The following IGF2BP3 variants were observed in gnomAD, a reference collection of about 807,000 sequenced individuals.
IGF2BP3 encodes insulin-like growth factor 2 mRNA-binding protein 3.
IGF2BP3 carries 9 observed loss-of-function variants against 73.8 expected under a neutral mutation model. The ratio of observed to expected loss-of-function variants is 0.12; its 90% CI spans 0.07 to 0.21. The LOEUF (loss-of-function observed/expected upper bound fraction) is 0.21, where lower values mean the gene tolerates loss of function less well. Among genes scored for constraint, IGF2BP3 ranks in the 10% least tolerant of loss-of-function variants. The probability of loss-of-function intolerance (pLI) is 1.00; values close to 1 mark genes in which losing one functional copy is unlikely to be tolerated. For synonymous variants in IGF2BP3, 258 were observed against 256.7 expected (o/e 1.01, Z -0.05); for missense variants, 542 against 714.0 (o/e 0.76, Z 2.75).
At chr7:23,350,399 G>A (rs961431530) in intron 6 of IGF2BP3, among the ~76,000 whole-genome samples, 2 of 152,174 alleles carry the variant, frequency 1.3e-5, no homozygotes, top group Non-Finnish European at 2.9e-5. Context: ...CTTCTTCCCA[G>A]CACACTCACA....
At chr7:23,397,482 A>G (rs1786513888) in intron 3 of IGF2BP3, among the ~76,000 whole-genome samples, 1 of 152,142 alleles carries the variant, frequency 6.6e-6, no homozygotes, top group Non-Finnish European at 1.5e-5. Context: ...AAGGTCTCAA[A>G]CTGGCCTTAT....
chr7:23,368,928 A>C (rs1438552407), intron 3 of IGF2BP3, among the ~76,000 whole-genome samples: 1 of 152,054 alleles, frequency 6.6e-6, no homozygotes, highest in Non-Finnish European at 1.5e-5. Context: ...CTTAAAAAAA[A>C]ATAATTGTAC....
chr7:23,439,730 T>C (rs1313532124), intron 2 of IGF2BP3, among the ~76,000 whole-genome samples: 2 of 152,126 alleles, frequency 1.3e-5, no homozygotes, highest in African/African-American at 4.8e-5. Flanking sequence ...AGAAAAACTC[T>C]TGGTCTCCTT....
intron 6 of IGF2BP3, among the ~76,000 whole-genome samples, chr7:23,348,742 A>C (rs1311264216): frequency 6.6e-6 from 1 of 152,150 alleles, no homozygotes; most frequent in Admixed American, 6.6e-5. Context: ...AGACATTGCC[A>C]AATGTCTACG....
intron 2 of IGF2BP3, among the ~76,000 whole-genome samples, chr7:23,431,999 A>T (rs1174765857): frequency 6.6e-6 from 1 of 152,230 alleles, no homozygotes; most frequent in African/African-American, 2.4e-5. Flanking sequence ...TTAAACAATG[A>T]GCAAGGGAAC....
At chr7:23,349,981 C>T (rs1341467647) in intron 6 of IGF2BP3, among the ~76,000 whole-genome samples, 1 of 152,170 alleles carries the variant, frequency 6.6e-6, no homozygotes, top group Non-Finnish European at 1.5e-5. Context: ...GTCTTTCCCA[C>T]TCCTACATGA....
rs140134335 is a variant in IGF2BP3, at chr7:23,312,131, T to TTTTG, written c.*227_*230dup. 7,790 of 449,896 alleles carry TTTTG rather than the reference T, an allele frequency of 0.017. 637 individuals carry two copies. Among genetic ancestry groups the TTTTG allele is most frequent in the African/African-American group, 0.15 (7,312 of 47,752 alleles). The allele number at this position is 449,896 out of a possible 1,614,324, so 27.9% of individuals were successfully genotyped here. A position where few individuals can be genotyped will look rare whatever the true frequency, so the allele number is the denominator to read the frequency against. On this transcript the variant is annotated 3_prime_UTR_variant, in exon 15 of 15. Transcript: ENST00000258729. ...TCTTTCCCTCCCTCCCCCACCCTTT[T>TTTTG]TTTGTTTGTTTGTTTGTTTGTTTTA... is the stretch of plus-strand genomic sequence containing the variant.
At chr7:23,394,262 T>C (rs969785355) in intron 3 of IGF2BP3, among the ~76,000 whole-genome samples, 4 of 151,910 alleles carry the variant, frequency 2.6e-5, no homozygotes, top group Admixed American at 6.6e-5. Context: ...AGCCCAGGAG[T>C]TGGAGACCGG....
At chr7:23,463,107 C>T (rs1311990134) in intron 2 of IGF2BP3, among the ~76,000 whole-genome samples, 2 of 152,230 alleles carry the variant, frequency 1.3e-5, no homozygotes, top group African/African-American at 4.8e-5. Context: ...AATAGCACAG[C>T]TAACCATCTC....
chr7:23,437,057 T>C (rs1472370328), intron 2 of IGF2BP3, among the ~76,000 whole-genome samples: 1 of 152,012 alleles, frequency 6.6e-6, no homozygotes, highest in Non-Finnish European at 1.5e-5. Flanking sequence ...AGGCAGATGC[T>C]GCAGTGAGCT....
At chr7:23,340,076 G>A (rs1020525042) in intron 10 of IGF2BP3, among the ~76,000 whole-genome samples, 1 of 152,086 alleles carries the variant, frequency 6.6e-6, no homozygotes, top group Non-Finnish European at 1.5e-5. Flanking sequence ...CAGAGCCAAG[G>A]AGTCTGACCT....
chr7:23,445,938 A>C (rs1474310436), intron 2 of IGF2BP3, among the ~76,000 whole-genome samples: 1 of 152,234 alleles, frequency 6.6e-6, no homozygotes, highest in Non-Finnish European at 1.5e-5. Context: ...ATAAGTCTGT[A>C]GTAAGTATAA....
intron 5 of IGF2BP3, among the ~76,000 whole-genome samples, chr7:23,359,844 T>C (rs1785181706): frequency 6.6e-6 from 1 of 151,966 alleles, no homozygotes; most frequent in Admixed American, 6.6e-5. Context: ...TCTTACATGA[T>C]ACAACTAAAG....
intron 3 of IGF2BP3, chr7:23,413,751 T>A (rs561462885): frequency 1.6e-4 from 24 of 152,286 alleles, no homozygotes; most frequent in African/African-American, 5.5e-4. Flanking sequence ...CTGGTCACAC[T>A]GAGTCTACTC....
Position 23,420,885 on chromosome 7 carries a change from T to C in IGF2BP3, c.237-2061A>G, listed in dbSNP as rs146188801. The stretch of plus-strand genomic sequence containing the variant: ...TTAAGAGATTCAAAAATCCAAACTA[T>C]AGCTAGTACAAGTTTACAGACTAAA... On this transcript the variant is annotated intron_variant, in intron 2 of 14. Transcript: ENST00000258729. Among the ~76,000 whole-genome samples, 857 of 152,326 alleles carry C rather than the reference T, an allele frequency of 5.6e-3. 12 individuals carry two copies. Among genetic ancestry groups the C allele is most frequent in the African/African-American group, 0.019 (808 of 41,570 alleles).
At chr7:23,438,244 C>T (rs1248252168) in intron 2 of IGF2BP3, among the ~76,000 whole-genome samples, 1 of 152,146 alleles carries the variant, frequency 6.6e-6, no homozygotes, top group Admixed American at 6.6e-5. Flanking sequence ...CTCAGTCTCC[C>T]AAGAGATTAC....
chr7:23,354,856 G>T (rs1247429511), intron 5 of IGF2BP3, among the ~76,000 whole-genome samples: 1 of 152,158 alleles, frequency 6.6e-6, no homozygotes, highest in African/African-American at 2.4e-5. Context: ...TGCCATCTAA[G>T]CAGAGTTCCT....
At chr7:23,394,181 T>A (rs1456645249) in intron 3 of IGF2BP3, among the ~76,000 whole-genome samples, 2 of 152,160 alleles carry the variant, frequency 1.3e-5, no homozygotes, top group African/African-American at 4.8e-5. Flanking sequence ...CCCAAAATGA[T>A]AACGCTATTT....
intron 10 of IGF2BP3, among the ~76,000 whole-genome samples, chr7:23,333,678 C>G (rs1241591606): frequency 5.9e-5 from 9 of 152,172 alleles, no homozygotes; most frequent in Non-Finnish European, 8.8e-5. Flanking sequence ...ATGTCCTATC[C>G]TGGAATGAAA....
Sources: gnomAD v4.1 joint callset for allele counts (sites outside exome capture counted in the v4.1 genomes callset) on GRCh38, gnomAD v4.1.1 for gene constraint, MANE v1.5 for transcripts, NCBI Gene and HGNC (gene_info 2026-07-23, HGNC 2026-07-21) for gene names.